EPB41L3: variants seen among roughly 807,000 people sequenced by gnomAD.
The protein encoded by EPB41L3 is band 4.1-like protein 3.
A neutral mutation model predicts 127.1 loss-of-function variants in EPB41L3; 57 were observed. The ratio of observed to expected loss-of-function variants is 0.45; its 90% CI spans 0.36 to 0.56. The LOEUF (loss-of-function observed/expected upper bound fraction) is 0.56. Among genes scored for constraint, EPB41L3 ranks in the 20% least tolerant of loss-of-function variants. The probability of loss-of-function intolerance (pLI) is 0.00; values close to 1 mark genes in which losing one functional copy is unlikely to be tolerated. For missense variants in EPB41L3, 1,273 were observed against 1,372.2 expected, an observed-to-expected ratio of 0.93 and a Z score of 1.14; for synonymous variants, 572 against 549.5, an observed-to-expected ratio of 1.04 and a Z score of -0.57.
rs1018924950 is a variant in EPB41L3, at chr18:5,392,386, T to G, written c.*1099A>C. ...ATTATTAAACATACAAACTTAGAGC[T>G]TTCAGTGCATTTGCCATTTTTATTT... On this transcript the variant is annotated 3_prime_UTR_variant, in exon 23 of 23. Transcript: ENST00000341928. The G allele has an allele frequency of 1.3e-5, 2 of 152,624 alleles. No individual in the cohort carries two copies. The highest frequency in any genetic ancestry group is 4.8e-5 in the African/African-American group (2 of 41,460). 9.5% of individuals were successfully genotyped at this position (152,624 alleles called of 1,614,324 possible).
chr18:5,471,712 T>C (rs9964681), intron 3 of EPB41L3, among the ~76,000 whole-genome samples: 36,624 of 152,100 alleles, frequency 0.24, 4,629 homozygotes, highest in Middle Eastern at 0.3. Context: ...AAAGTCCATT[T>C]CATGACATCA....
intron 3 of EPB41L3, among the ~76,000 whole-genome samples, chr18:5,474,244 A>G (rs1251338515): frequency 6.6e-6 from 1 of 151,906 alleles, no homozygotes; most frequent in Non-Finnish European, 1.5e-5. Context: ...AAAAAAAAAA[A>G]TCTCTCAAAT....
Position 5,488,115 on chromosome 18 carries a change from A to C in EPB41L3, c.183+886T>G, listed in dbSNP as rs550970308. On this transcript the variant is annotated intron_variant, in intron 2 of 22. Coordinates refer to ENST00000341928, the MANE Select transcript of EPB41L3 (RefSeq NM_012307.5). ...GTAAAACCATACTTTAAAACTTTTA[A>C]AAGTAATGCATTATTCCTGACTACT... 2.6e-5 allele frequency among the ~76,000 whole-genome samples: 4 copies of C among 152,336 alleles called. No individual in the cohort carries two copies. The South Asian group carries it at 8.3e-4, about 32-fold the overall frequency.
chr18:5,476,902 T>C (rs1486683103), intron 3 of EPB41L3, among the ~76,000 whole-genome samples: 2 of 152,198 alleles, frequency 1.3e-5, no homozygotes, highest in Non-Finnish European at 2.9e-5. Context: ...TGCACGGTCC[T>C]TGGGGATTCC....
chr18:5,411,115 T>A (rs1239583747), intron 13 of EPB41L3, among the ~76,000 whole-genome samples: 1 of 152,248 alleles, frequency 6.6e-6, no homozygotes, highest in Non-Finnish European at 1.5e-5. Flanking sequence ...ACCATTATGA[T>A]AATTTATATC....
chr18:5,537,762 T>A (rs1336739661), intron 1 of EPB41L3, among the ~76,000 whole-genome samples: 1 of 152,176 alleles, frequency 6.6e-6, no homozygotes, highest in Non-Finnish European at 1.5e-5. Flanking sequence ...TCTCAATGAC[T>A]AATTGAGAGT....
chr18:5,609,967 T>A (rs2094707143), intron 3 of EPB41L3, among the ~76,000 whole-genome samples: 2 of 152,158 alleles, frequency 1.3e-5, no homozygotes, highest in African/African-American at 4.8e-5. Flanking sequence ...AAAGGACACC[T>A]CAGGAGCTTT....
chr18:5,449,628 C>T (rs76856473), intron 3 of EPB41L3, among the ~76,000 whole-genome samples: 1,856 of 152,216 alleles, frequency 0.012, 19 homozygotes, highest in South Asian at 0.042. Context: ...ATCCAGATAA[C>T]GGAATAATGT....
In EPB41L3 at chr18:5,407,694, T is replaced by A; in HGVS notation, c.2157+7A>T. The A allele has an allele frequency of 6.2e-7, 1 of 1,613,882 alleles. No individual in the cohort carries two copies. Among genetic ancestry groups the A allele is most frequent in the Non-Finnish European group, 8.5e-7 (1 of 1,179,878 alleles). On this transcript the variant is annotated splice_region_variant and intron_variant, in intron 15 of 22. Transcript: ENST00000341928. ...TGTTGTTGTTTGTTTTATTTTTAAT[T>A]TTCTACCTGTGCCTTGAGCTCTGCA...
intron 16 of EPB41L3, chr18:5,400,436 AC>A: frequency 2.4e-6 from 1 of 419,908 alleles, no homozygotes; most frequent in South Asian, 1.7e-5. Flanking sequence ...CTTTAAAAAT[AC>A]CACTACAGAT....
chr18:5,403,449 A>G (rs893376750), intron 16 of EPB41L3, among the ~76,000 whole-genome samples: 2 of 152,126 alleles, frequency 1.3e-5, no homozygotes, highest in Admixed American at 6.6e-5. Context: ...AATTGTTCAT[A>G]AATTGGTAGC....
At position 5,485,946 on chromosome 18, in the gene EPB41L3, G is replaced by C. The variant is rs1206268762; in HGVS notation, c.183+3055C>G. Among the ~76,000 whole-genome samples the C allele has an allele frequency of 8.6e-3, 1,314 of 151,970 alleles. 16 individuals carry two copies. Among genetic ancestry groups the C allele is most frequent in the African/African-American group, 0.028 (1,177 of 41,502 alleles). ...TTTACAAATTCAATGTAAATTGAAT[G>C]TAACAAAATACCTATGACACTCTTC... is the stretch of plus-strand genomic sequence containing the variant. On this transcript the variant is annotated intron_variant, in intron 2 of 22. Transcript: ENST00000341928.
intron 3 of EPB41L3, among the ~76,000 whole-genome samples, chr18:5,468,415 C>G (rs74565166): frequency 0.018 from 2,743 of 152,308 alleles, 44 homozygotes; most frequent in Non-Finnish European, 0.03. Flanking sequence ...GTGCTTTTTC[C>G]AGGCCTGCCC....
intron 1 of EPB41L3, among the ~76,000 whole-genome samples, chr18:5,492,319 CA>C (rs1207407750): frequency 2.0e-5 from 3 of 146,532 alleles, no homozygotes; most frequent in Non-Finnish European, 4.4e-5. Flanking sequence ...GACTCGGTCT[CA>C]AAAAAATAAA....
chr18:5,498,058 G>T (rs966301196), intron 1 of EPB41L3, among the ~76,000 whole-genome samples: 2 of 152,186 alleles, frequency 1.3e-5, no homozygotes, highest in Admixed American at 6.5e-5. Flanking sequence ...CGTGAATCCT[G>T]CCTTGCCCTG....
At chr18:5,494,766 CACTT>C (rs905331059) in intron 1 of EPB41L3, among the ~76,000 whole-genome samples, 86 of 151,312 alleles carry the variant, frequency 5.7e-4, no homozygotes, top group African/African-American at 2.0e-3. Flanking sequence ...GGATCGCATG[CACTT>C]ACTTGCGTGA....
Position 5,416,109 on chromosome 18 carries a change from G to T in EPB41L3, c.1776C>A (p.Leu592=). ...CTAGGAGGGAGGGGAATGACTCAGGGAGCTGCAAGGAGAAGGAGAACAGGG... is the reference window on the plus strand; with the variant it reads ...CTAGGAGGGAGGGGAATGACTCAGGTAGCTGCAAGGAGAAGGAGAACAGGG... ...GTTLFSFSLQ[L]PESFPSLLDD... is the part of the protein sequence containing the mutation. Residue 592 remains leucine (L), a synonymous_variant, in exon 13 of 23, where the codon CTC becomes CTA. Transcript: ENST00000341928. 6.2e-7 allele frequency: 1 copy of T among 1,612,652 alleles called. No individual in the cohort carries two copies. The highest frequency in any genetic ancestry group is 1.3e-5 in the African/African-American group (1 of 74,978).
At chr18:5,614,103 C>A (rs1006223679) in intron 2 of EPB41L3, among the ~76,000 whole-genome samples, 1 of 152,118 alleles carries the variant, frequency 6.6e-6, no homozygotes, top group Non-Finnish European at 1.5e-5. Context: ...TGGGAGCAAA[C>A]CATGTGGCCA....
At chr18:5,443,556 C>T (rs2081078889) in intron 5 of EPB41L3, among the ~76,000 whole-genome samples, 1 of 152,160 alleles carries the variant, frequency 6.6e-6, no homozygotes, top group Non-Finnish European at 1.5e-5. Context: ...ATTAATAATT[C>T]AGTTTGGAAG....
Sources: allele counts gnomAD v4.1 joint callset (sites outside exome capture counted in the v4.1 genomes callset), GRCh38; gene constraint gnomAD v4.1.1; transcripts MANE v1.5; gene names NCBI Gene and HGNC (gene_info 2026-07-23, HGNC 2026-07-21).